ANKS1B: variants seen among roughly 807,000 people sequenced by gnomAD.
ANKS1B encodes ankyrin repeat and sterile alpha motif domain-containing protein 1B.
Under a neutral mutation model 148.3 loss-of-function variants are expected in ANKS1B, and 36 were observed. The observed-to-expected ratio is 0.24, with a 90% CI of 0.19 to 0.32. The LOEUF is 0.32. ANKS1B is among the 10% of genes least tolerant of loss of function. ANKS1B has a pLI of 1.00. For missense variants in ANKS1B, 1,157 were observed against 1,542.6 expected (o/e 0.75, Z 4.19); for synonymous variants, 542 against 560.8 (o/e 0.97, Z 0.47).
At chr12:99,030,456 C>T (rs2099951361) in intron 17 of ANKS1B, among the ~76,000 whole-genome samples, 2 of 151,794 alleles carry the variant, frequency 1.3e-5, no homozygotes, top group East Asian at 1.9e-4. Context: ...CAACCCCCAC[C>T]CCCGTCTAAT....
intron 23 of ANKS1B, 112 bp from the exon 24 acceptor site, chr12:98,781,315 C>T (rs2098733328): frequency 1.6e-5 from 3 of 183,524 alleles, no homozygotes; most frequent in South Asian, 1.7e-4. Context: ...ACAACAACAA[C>T]ACACACACAC....
At chr12:99,358,852 T>C (rs576075493) in intron 12 of ANKS1B, among the ~76,000 whole-genome samples, 1 of 152,208 alleles carries the variant, frequency 6.6e-6, no homozygotes, top group African/African-American at 2.4e-5. Flanking sequence ...GCTAAAAGAA[T>C]GTGGAGGTAG....
chr12:99,848,337 A>G (rs1210121327), intron 1 of ANKS1B, among the ~76,000 whole-genome samples: 1 of 152,204 alleles, frequency 6.6e-6, no homozygotes. Context: ...GAGGAAATAG[A>G]GAGAAAGAAC....
At chr12:99,093,411 A>G (rs1347942545) in intron 15 of ANKS1B, 1 of 152,254 alleles carries the variant, frequency 6.6e-6, no homozygotes, top group African/African-American at 2.4e-5. Flanking sequence ...GCTCTTCTGC[A>G]GTGCCTTGTC....
chr12:99,763,543 A>G (rs2153610956), intron 8 of ANKS1B, among the ~76,000 whole-genome samples: 1 of 152,160 alleles, frequency 6.6e-6, no homozygotes, highest in South Asian at 2.1e-4. Flanking sequence ...AAAAAGCTAC[A>G]TATTGGGTAC....
intron 16 of ANKS1B, among the ~76,000 whole-genome samples, chr12:99,073,941 C>T (rs1428682183): frequency 6.6e-6 from 1 of 152,114 alleles, no homozygotes; most frequent in Non-Finnish European, 1.5e-5. Context: ...TGGGGCAAGT[C>T]ATTTAATAGG....
At chr12:99,811,890 C>T (rs1442704857) in intron 3 of ANKS1B, among the ~76,000 whole-genome samples, 1 of 151,720 alleles carries the variant, frequency 6.6e-6, no homozygotes, top group African/African-American at 2.4e-5. Context: ...TATAAAATGG[C>T]TGATTATATA....
intron 19 of ANKS1B, among the ~76,000 whole-genome samples, chr12:98,823,651 C>T (rs2099220344): frequency 1.3e-5 from 2 of 152,228 alleles, no homozygotes; most frequent in Admixed American, 6.5e-5. Flanking sequence ...GCCATCATGC[C>T]CAGCTAACTT....
At position 99,907,812 on chromosome 12, in the gene ANKS1B, TAAAAAAAAAAA is replaced by T. The variant is rs751468199; in HGVS notation, c.134+76281_134+76291del. 1.3e-4 allele frequency among the ~76,000 whole-genome samples: 13 copies of T among 100,158 alleles called. No individual in the cohort carries two copies. The East Asian group carries it at 2.4e-3, about 18-fold the overall frequency. The allele number at this position is 100,158 out of a possible 152,430, so 65.7% of individuals were successfully genotyped here. A position where few individuals can be genotyped will look rare whatever the true frequency, so the allele number is the denominator to read the frequency against. ...GTTTTCTCCTCTCCAGAGAAATTCT[TAAAAAAAAAAA>T]AAAAAAAAAAAAAAACTGTAAAAAC... On this transcript the variant is annotated intron_variant, in intron 1 of 26. Transcript: ENST00000683438.
intron 17 of ANKS1B, among the ~76,000 whole-genome samples, chr12:98,985,797 A>G (rs991373294): frequency 2.6e-5 from 4 of 152,152 alleles, no homozygotes; most frequent in Non-Finnish European, 4.4e-5. Context: ...AACATGTCTC[A>G]TATTTATCTA....
At chr12:99,202,839 C>T (rs1160389349) in intron 14 of ANKS1B, among the ~76,000 whole-genome samples, 1 of 152,146 alleles carries the variant, frequency 6.6e-6, no homozygotes, top group Admixed American at 6.5e-5. Flanking sequence ...ACCAGTCATG[C>T]CACTTGGGGA....
rs1204221788 is a variant in ANKS1B, at chr12:99,380,099, C to A, written c.1756+19532G>T. On this transcript the variant is annotated intron_variant, in intron 12 of 26. Transcript: ENST00000683438. ...TATGACCTTGTCTGATTTAGTTGAA[C>A]CAAGGGCATTTTCAATAATTACAAG... Among the ~76,000 whole-genome samples, 3 of 152,136 alleles carry A rather than the reference C, an allele frequency of 2.0e-5. No homozygotes were observed. In the East Asian group the frequency reaches 5.8e-4, roughly 29 times the overall value.
chr12:98,785,756 C>A (rs2032766), intron 22 of ANKS1B, among the ~76,000 whole-genome samples: 4 of 152,070 alleles, frequency 2.6e-5, no homozygotes, highest in African/African-American at 7.3e-5. Context: ...TCAGGCAACA[C>A]TGGTTTCTAT....
chr12:98,951,645 G>A (rs1052226887), intron 17 of ANKS1B, among the ~76,000 whole-genome samples: 1 of 151,962 alleles, frequency 6.6e-6, no homozygotes, highest in Admixed American at 6.6e-5. Flanking sequence ...TGTGCTCCTC[G>A]CCATTGCCCA....
At chr12:99,378,112 T>A (rs557964976) in intron 12 of ANKS1B, among the ~76,000 whole-genome samples, 1 of 152,296 alleles carries the variant, frequency 6.6e-6, no homozygotes, top group East Asian at 1.9e-4. Flanking sequence ...TCATAGATCA[T>A]TTAAGAACCA....
chr12:99,075,703 ATAT>A (rs1438019361), intron 16 of ANKS1B, among the ~76,000 whole-genome samples: 2 of 151,602 alleles, frequency 1.3e-5, no homozygotes, highest in African/African-American at 4.8e-5. Context: ...CCTCCTGAGT[ATAT>A]TATCAGCATC....
chr12:99,825,912 A>G (rs958474152), intron 1 of ANKS1B, among the ~76,000 whole-genome samples: 1 of 152,198 alleles, frequency 6.6e-6, no homozygotes, highest in Non-Finnish European at 1.5e-5. Flanking sequence ...AAAATTGAAG[A>G]TTTGGACTGT....
intron 1 of ANKS1B, among the ~76,000 whole-genome samples, chr12:99,883,416 CAT>C (rs2092643668): frequency 1.3e-5 from 2 of 152,040 alleles, no homozygotes; most frequent in Admixed American, 1.3e-4. Context: ...AAACATAAAA[CAT>C]AAAACTAATT....
chr12:99,907,726 T>G (rs924705959), intron 1 of ANKS1B, among the ~76,000 whole-genome samples: 1 of 151,220 alleles, frequency 6.6e-6, no homozygotes, highest in Non-Finnish European at 1.5e-5. Context: ...CAGACTGTAA[T>G]TTTAACAAGG....
Sources: gnomAD v4.1 joint callset for allele counts (sites outside exome capture counted in the v4.1 genomes callset) on GRCh38, gnomAD v4.1.1 for gene constraint, MANE v1.5 for transcripts, NCBI Gene and HGNC (gene_info 2026-07-23, HGNC 2026-07-21) for gene names.